Variants in PRKN observed in about 807,000 individuals in gnomAD.
The protein encoded by PRKN is parkin RBR E3 ubiquitin protein ligase, also known as E3 ubiquitin-protein ligase parkin.
Under a neutral mutation model 59.5 loss-of-function variants are expected in PRKN, and 56 were observed. The observed-to-expected ratio is 0.94, with a 90% CI of 0.76 to 1.18. The LOEUF is 1.18. Ranked by LOEUF, PRKN falls within the 50% of genes most tolerant of loss-of-function variation. The pLI is 0.00. For synonymous variants in PRKN, 250 were observed against 222.1 expected, an observed-to-expected ratio of 1.13 and a Z score of -1.12; for missense variants, 657 against 596.4, an observed-to-expected ratio of 1.10 and a Z score of -1.06.
intron 9 of PRKN, among the ~76,000 whole-genome samples, chr6:161,443,512 A>G (rs1163209750): frequency 6.6e-6 from 1 of 152,152 alleles, no homozygotes; most frequent in Non-Finnish European, 1.5e-5. Flanking sequence ...CCGCTGGAAG[A>G]TAAGTTCATT....
intron 6 of PRKN, among the ~76,000 whole-genome samples, chr6:161,895,586 GGCTT>G (rs1240122060): frequency 2.7e-5 from 3 of 111,990 alleles, no homozygotes; most frequent in East Asian, 3.1e-4. Context: ...ACCCCAGTGA[GGCTT>G]CTGAGATTCA....
At position 161,579,487 on chromosome 6, in the gene PRKN, G is replaced by A. The variant is rs1403675245; in HGVS notation, c.872-10071C>T. Among the ~76,000 whole-genome samples, 1 of 152,192 alleles carries A rather than the reference G, an allele frequency of 6.6e-6. No individual in the cohort carries two copies. The highest frequency in any genetic ancestry group is 1.9e-4 in the East Asian group (1 of 5,204). ...CCCTGTTTATAAACTGGAAACTTGTGTAATTTATATTTGTACCCTATACTT... is the reference window on the plus strand; with the variant it reads ...CCCTGTTTATAAACTGGAAACTTGTATAATTTATATTTGTACCCTATACTT... On this transcript the variant is annotated intron_variant, in intron 7 of 11. Transcript: ENST00000366898. This position sits in a 1 kb window ranked among gnomAD's most constrained non-coding sequence, Gnocchi z 4.2.
chr6:161,716,644 T>C (rs1472368687), intron 7 of PRKN, among the ~76,000 whole-genome samples: 1 of 152,186 alleles, frequency 6.6e-6, no homozygotes, highest in Non-Finnish European at 1.5e-5. Context: ...GCTATGTACT[T>C]AAGATATTTT....
intron 6 of PRKN, among the ~76,000 whole-genome samples, chr6:161,853,915 A>G (rs560104955): frequency 1.3e-5 from 2 of 152,208 alleles, no homozygotes; most frequent in South Asian, 4.2e-4. Context: ...GTGAGAGACT[A>G]CTATGACAAC....
chr6:161,851,303 G>GC (rs1301702847), intron 6 of PRKN, among the ~76,000 whole-genome samples: 2 of 151,974 alleles, frequency 1.3e-5, no homozygotes, highest in African/African-American at 2.4e-5. Context: ...CCAGATGCAG[G>GC]CCCCATGATC....
intron 2 of PRKN, among the ~76,000 whole-genome samples, chr6:162,387,250 A>AG (rs1786879271): frequency 6.6e-6 from 1 of 151,560 alleles, no homozygotes; most frequent in Admixed American, 6.6e-5. Context: ...AAAAAAAAAA[A>AG]AAAAATTTCT....
chr6:161,640,920 T>C (rs1197395964), intron 7 of PRKN, among the ~76,000 whole-genome samples: 3 of 152,234 alleles, frequency 2.0e-5, no homozygotes, highest in Non-Finnish European at 2.9e-5. Flanking sequence ...CCAGTGATCT[T>C]TCGAAGCCCT....
intron 1 of PRKN, among the ~76,000 whole-genome samples, chr6:162,564,173 C>T (rs1446036396): frequency 1.1e-4 from 16 of 151,808 alleles, no homozygotes; most frequent in Non-Finnish European, 2.2e-4. Flanking sequence ...GGTGAAACCC[C>T]GTCTCTACAA....
In PRKN at chr6:161,369,867, C is replaced by G. The variant is rs368487089; in HGVS notation, c.1168-9662G>C. ...AGAGAGACAGAGAGAATCAAAATTC[C>G]CTCAGAAAGGTAAAGGCATGATCGT... On this transcript the variant is annotated intron_variant, in intron 10 of 11. Transcript: ENST00000366898. The surrounding 1 kb of genome is among the most constrained non-coding windows in gnomAD (Gnocchi z 5.8). The G allele has an allele frequency of 1.3e-4, 36 of 286,934 alleles. No homozygotes were observed. The highest frequency in any genetic ancestry group is 6.8e-4 in the African/African-American group (32 of 46,934). 17.8% of individuals were successfully genotyped at this position (286,934 alleles called of 1,614,324 possible).
At chr6:162,279,092 A>G (rs1780764654) in intron 2 of PRKN, among the ~76,000 whole-genome samples, 1 of 152,068 alleles carries the variant, frequency 6.6e-6, no homozygotes, top group African/African-American at 2.4e-5. Context: ...GGACTTTGGG[A>G]GGCTGAGGTG....
chr6:161,438,669 G>A (rs1304174833), intron 9 of PRKN, among the ~76,000 whole-genome samples: 3 of 152,126 alleles, frequency 2.0e-5, no homozygotes, highest in African/African-American at 7.2e-5. Flanking sequence ...TGTGGAAACC[G>A]AGAGAGAGAA....
chr6:162,608,569 T>G (rs910775980), intron 1 of PRKN, among the ~76,000 whole-genome samples: 7 of 152,120 alleles, frequency 4.6e-5, no homozygotes, highest in Admixed American at 6.5e-5. Context: ...ATGATCATGT[T>G]TTGCAAAAGG....
intron 1 of PRKN, among the ~76,000 whole-genome samples, chr6:162,545,804 T>C (rs1706437296): frequency 6.6e-6 from 1 of 152,080 alleles, no homozygotes; most frequent in African/African-American, 2.4e-5. Flanking sequence ...ATAGAGAAAA[T>C]AAGTCTAAAA....
chr6:161,702,775 T>C (rs1349118303), intron 7 of PRKN, among the ~76,000 whole-genome samples: 1 of 152,074 alleles, frequency 6.6e-6, no homozygotes, highest in Non-Finnish European at 1.5e-5. Flanking sequence ...GTAAAAGTGT[T>C]AAAAGAAAAC....
At chr6:162,314,136 A>G (rs1782649099) in intron 2 of PRKN, among the ~76,000 whole-genome samples, 2 of 152,212 alleles carry the variant, frequency 1.3e-5, no homozygotes, top group African/African-American at 2.4e-5. Flanking sequence ...CAGAGTTCCC[A>G]TGCAGAATTA....
intron 10 of PRKN, among the ~76,000 whole-genome samples, chr6:161,364,970 C>G (rs962250348): frequency 6.6e-6 from 1 of 151,310 alleles, no homozygotes; most frequent in Non-Finnish European, 1.5e-5. Context: ...AGATGCCGGA[C>G]AAGAATAGCA....
intron 7 of PRKN, among the ~76,000 whole-genome samples, chr6:161,692,248 T>G (rs1397095235): frequency 6.6e-6 from 1 of 152,158 alleles, no homozygotes; most frequent in Non-Finnish European, 1.5e-5. Flanking sequence ...AGAATAACTT[T>G]AGTTTTAAAA....
chr6:162,197,948 C>T (rs1361013753), intron 4 of PRKN, among the ~76,000 whole-genome samples: 2 of 152,140 alleles, frequency 1.3e-5, no homozygotes, highest in Admixed American at 6.5e-5. Context: ...TGAAAGTTAT[C>T]TGATCTTATA....
chr6:161,609,325 GTC>G (rs1217441724), intron 7 of PRKN, among the ~76,000 whole-genome samples: 1 of 152,178 alleles, frequency 6.6e-6, no homozygotes, highest in African/African-American at 2.4e-5. Context: ...TTAAATATAA[GTC>G]TGAGAAATTT....
Sources: gnomAD v4.1 joint callset for allele counts (sites outside exome capture counted in the v4.1 genomes callset) on GRCh38, gnomAD v4.1.1 for gene constraint, Gnocchi (gnomAD v3.1) non-coding constraint, MANE v1.5 for transcripts, NCBI Gene and HGNC (gene_info 2026-07-23, HGNC 2026-07-21) for gene names.